Variants in INPP4B observed in about 807,000 individuals in gnomAD.
INPP4B encodes inositol polyphosphate 4-phosphatase type II.
In INPP4B, 55 loss-of-function variants were observed where a neutral mutation model predicts 122.5. The ratio of observed to expected loss-of-function variants is 0.45; its 90% confidence interval spans 0.36 to 0.56. The LOEUF (loss-of-function observed/expected upper bound fraction) is 0.56. Ranked by LOEUF, INPP4B falls within the 20% of genes least tolerant of loss-of-function variation. The pLI, the probability that INPP4B is intolerant of heterozygous loss-of-function variation, is 0.00. For missense variants in INPP4B, 1,000 were observed against 1,097.7 expected (o/e 0.91, Z 1.26); for synonymous variants, 403 against 388.7 (o/e 1.04, Z -0.43).
intron 18 of INPP4B, among the ~76,000 whole-genome samples, chr4:142,141,764 G>A (rs1050464674): frequency 1.3e-5 from 2 of 151,994 alleles, no homozygotes; most frequent in African/African-American, 4.8e-5. Context: ...AACAACATAA[G>A]AAAGTGGATA....
chr4:142,103,221 C>G (rs1487608731), intron 23 of INPP4B, among the ~76,000 whole-genome samples: 4 of 151,986 alleles, frequency 2.6e-5, no homozygotes, highest in African/African-American at 7.2e-5. Flanking sequence ...GGATGGTACT[C>G]TTCTCATTTA....
At chr4:142,078,283 G>C (rs1403780783) in intron 25 of INPP4B, among the ~76,000 whole-genome samples, 1 of 151,936 alleles carries the variant, frequency 6.6e-6, no homozygotes, top group Admixed American at 6.6e-5. Context: ...GATAATATTT[G>C]CCTATTTGTT....
intron 2 of INPP4B, among the ~76,000 whole-genome samples, chr4:142,567,099 G>T (rs1731776499): frequency 6.6e-6 from 1 of 152,128 alleles, no homozygotes; most frequent in Admixed American, 6.6e-5. Context: ...AAAGACATTG[G>T]TATAATTAAT....
chr4:142,337,078 T>C (rs1403910523), intron 7 of INPP4B, among the ~76,000 whole-genome samples: 3 of 151,636 alleles, frequency 2.0e-5, no homozygotes, highest in Non-Finnish European at 4.4e-5. Flanking sequence ...ATAAATACTA[T>C]ATATATTCCT....
intron 2 of INPP4B, among the ~76,000 whole-genome samples, chr4:142,568,305 TTCA>T (rs1732086524): frequency 6.6e-6 from 1 of 151,662 alleles, no homozygotes; most frequent in Non-Finnish European, 1.5e-5. Context: ...GACCTGAAAC[TTCA>T]TCACTTCTGG....
chr4:142,170,502 AAC>A (rs992847969), intron 16 of INPP4B, among the ~76,000 whole-genome samples: 1 of 151,718 alleles, frequency 6.6e-6, no homozygotes, highest in African/African-American at 2.4e-5. Context: ...TGGAGCCAAA[AAC>A]ACAACGTGTG....
intron 2 of INPP4B, among the ~76,000 whole-genome samples, chr4:142,515,622 C>T (rs1430721619): frequency 6.6e-6 from 1 of 152,148 alleles, no homozygotes; most frequent in Non-Finnish European, 1.5e-5. Flanking sequence ...AGCCCCCGGC[C>T]ATTGGAGTTA....
intron 2 of INPP4B, chr4:142,660,722 C>T (rs2150582932): frequency 6.6e-6 from 1 of 152,256 alleles, no homozygotes; most frequent in South Asian, 2.1e-4. Flanking sequence ...CCTTACCCCT[C>T]CCCTTGTTTC....
chr4:142,111,676 G>A (rs336336), intron 22 of INPP4B, among the ~76,000 whole-genome samples: 134,909 of 151,988 alleles, frequency 0.89, 61,619 homozygotes, highest in Non-Finnish European at 0.99. Context: ...TGTTATCTAC[G>A]TTTTCTGTAA....
At chr4:142,783,149 C>A (rs1029057336) in intron 1 of INPP4B, among the ~76,000 whole-genome samples, 7 of 151,946 alleles carry the variant, frequency 4.6e-5, no homozygotes, top group African/African-American at 1.7e-4. Context: ...GCAACAAAAG[C>A]CAAAATGGAC....
At chr4:142,486,355 CT>C (rs1174137852) in intron 2 of INPP4B, among the ~76,000 whole-genome samples, 3 of 152,060 alleles carry the variant, frequency 2.0e-5, no homozygotes, top group Non-Finnish European at 4.4e-5. Flanking sequence ...CTTTAATTTG[CT>C]TTTTCTTGTG....
intron 16 of INPP4B, among the ~76,000 whole-genome samples, chr4:142,171,614 T>A (rs1327573868): frequency 6.6e-6 from 1 of 151,980 alleles, no homozygotes; most frequent in Middle Eastern, 3.4e-3. Context: ...TCATAGACTA[T>A]ACAAAACTGT....
At chr4:142,052,115 A>G (rs2152396383) in intron 25 of INPP4B, among the ~76,000 whole-genome samples, 1 of 152,130 alleles carries the variant, frequency 6.6e-6, no homozygotes, top group South Asian at 2.1e-4. Flanking sequence ...TTTGATCAAG[A>G]ATAAACTATT....
chr4:142,845,728 CCGG>C lies in INPP4B; in HGVS notation c.-254+478_-254+480del, dbSNP rs78589959. On this transcript the variant is annotated intron_variant, in intron 1 of 25. Transcript: ENST00000262992. ...TATTCCTTAAGGACTTCTTCCCAGG[CCGG>C]CGGCGGCGGCGGCGGCGGCGGCGGC... Among the ~76,000 whole-genome samples the C allele has an allele frequency of 3.1e-3, 471 of 151,404 alleles. 7 individuals carry two copies. The highest frequency in any genetic ancestry group is 0.018 in the East Asian group (94 of 5,086).
At chr4:142,187,390 A>C (rs1833627634) in intron 15 of INPP4B, among the ~76,000 whole-genome samples, 1 of 152,226 alleles carries the variant, frequency 6.6e-6, no homozygotes, top group South Asian at 2.1e-4. Flanking sequence ...TTTTAGCTAT[A>C]GCCTACGAGA....
At chr4:142,560,828 C>T (rs1010119487) in intron 2 of INPP4B, among the ~76,000 whole-genome samples, 13 of 152,160 alleles carry the variant, frequency 8.5e-5, no homozygotes, top group African/African-American at 2.7e-4. Context: ...AAATGTATCT[C>T]TTTTGGCAAC....
At chr4:142,223,564 T>C (rs1047286946) in intron 12 of INPP4B, among the ~76,000 whole-genome samples, 2 of 152,136 alleles carry the variant, frequency 1.3e-5, no homozygotes, top group African/African-American at 4.8e-5. Context: ...AATAGGAGAA[T>C]AAAACACGTA....
chr4:142,638,372 G>A (rs7680076), intron 2 of INPP4B, among the ~76,000 whole-genome samples: 1 of 151,856 alleles, frequency 6.6e-6, no homozygotes, highest in East Asian at 1.9e-4. Flanking sequence ...TTTCATGAAC[G>A]GTATAAAATC....
chr4:142,256,879 A>AAAGCC (rs1736454647), intron 11 of INPP4B, among the ~76,000 whole-genome samples: 1 of 152,166 alleles, frequency 6.6e-6, no homozygotes, highest in Non-Finnish European at 1.5e-5. Flanking sequence ...TCCTGATACC[A>AAAGCC]AAGCTGGGCA....
Sources: gnomAD v4.1 joint callset for allele counts (sites outside exome capture counted in the v4.1 genomes callset) on GRCh38, gnomAD v4.1.1 for gene constraint, MANE v1.5 for transcripts, NCBI Gene and HGNC (gene_info 2026-07-23, HGNC 2026-07-21) for gene names.